SAMD12: variants seen among roughly 807,000 people sequenced by gnomAD.
SAMD12 encodes the protein sterile alpha motif domain-containing protein 12.
Under a neutral mutation model 15.0 loss-of-function variants are expected in SAMD12, and 9 were observed. That is an observed-to-expected ratio of 0.60 (90% confidence interval 0.36 to 1.05). SAMD12 has a LOEUF of 1.05. Among genes scored for constraint, SAMD12 ranks in the 50% least tolerant of loss-of-function variants. The pLI, the probability that SAMD12 is intolerant of heterozygous loss-of-function variation, is 0.01. For synonymous variants in SAMD12, 86 were observed against 90.1 expected, an observed-to-expected ratio of 0.96 and a Z score of 0.25; for missense variants, 230 against 234.2, an observed-to-expected ratio of 0.98 and a Z score of 0.12.
chr8:118,440,037 G>A lies in SAMD12; in HGVS notation c.193-76C>T, dbSNP rs1272217428. On this transcript the variant is annotated intron_variant, in intron 2 of 3. Transcript: ENST00000314727. ...ACACTATAGTTAAAAGTCTTAGAGT[G>A]TGTTAAAGGCTACAGACTGGATTCC... is the stretch of plus-strand genomic sequence containing the variant. The A allele has an allele frequency of 8.9e-6, 13 of 1,455,490 alleles. No homozygotes were observed. In the East Asian group the frequency reaches 2.5e-4, roughly 28 times the overall value. The allele number at this position is 1,455,490 out of a possible 1,614,324, so 90.2% of individuals were successfully genotyped here. A position where few individuals can be genotyped will look rare whatever the true frequency, so the allele number is the denominator to read the frequency against.
chr8:118,311,600 C>A (rs7827637), intron 4 of SAMD12, among the ~76,000 whole-genome samples: 9 of 152,142 alleles, frequency 5.9e-5, no homozygotes, highest in Non-Finnish European at 1.0e-4. Flanking sequence ...GAAAACAAGA[C>A]ATAAATTCTG....
intron 2 of SAMD12, among the ~76,000 whole-genome samples, chr8:118,554,767 C>G (rs1303798450): frequency 2.6e-5 from 4 of 151,942 alleles, no homozygotes; most frequent in Admixed American, 2.6e-4. Flanking sequence ...CTCGCCCAAT[C>G]AGTTGAAGGC....
At chr8:118,456,294 A>G (rs375269834) in intron 2 of SAMD12, among the ~76,000 whole-genome samples, 19 of 152,298 alleles carry the variant, frequency 1.2e-4, no homozygotes, top group African/African-American at 3.8e-4. Context: ...ATCTCAACTT[A>G]AACATCATTT....
chr8:118,526,077 T>C (rs1825529489), intron 2 of SAMD12, among the ~76,000 whole-genome samples: 1 of 152,208 alleles, frequency 6.6e-6, no homozygotes, highest in African/African-American at 2.4e-5. Context: ...TGGCAAAATT[T>C]GAGTGTGTGA....
chr8:118,428,302 G>A (rs1822294837), intron 3 of SAMD12, among the ~76,000 whole-genome samples: 1 of 152,104 alleles, frequency 6.6e-6, no homozygotes, highest in Non-Finnish European at 1.5e-5. Context: ...GTGATTGTGT[G>A]CATCTGTAAT....
At chr8:118,185,136 A>G (rs548443207), downstream of SAMD12, among the ~76,000 whole-genome samples, 4 of 152,292 alleles carry the variant, frequency 2.6e-5, no homozygotes, top group Non-Finnish European at 5.9e-5. Context: ...AAATATTTGT[A>G]AAATGAAAAC....
intron 4 of SAMD12, among the ~76,000 whole-genome samples, chr8:118,299,566 G>T (rs1814908134): frequency 6.6e-6 from 1 of 152,156 alleles, no homozygotes; most frequent in Non-Finnish European, 1.5e-5. Context: ...AGGGAAGCAA[G>T]GCAGAGCTGT....
At chr8:118,248,201 A>G (rs2129999604) in intron 4 of SAMD12, among the ~76,000 whole-genome samples, 1 of 152,286 alleles carries the variant, frequency 6.6e-6, no homozygotes, top group East Asian at 1.9e-4. Flanking sequence ...TGCTTACCCC[A>G]AATATAGCCT....
At chr8:118,547,725 T>A (rs1367038870) in intron 2 of SAMD12, among the ~76,000 whole-genome samples, 1 of 152,210 alleles carries the variant, frequency 6.6e-6, no homozygotes, top group African/African-American at 2.4e-5. Context: ...CATTTCTAAC[T>A]TTTTTCTATA....
intron 2 of SAMD12, among the ~76,000 whole-genome samples, chr8:118,464,380 C>T (rs1823523696): frequency 6.6e-6 from 1 of 152,110 alleles, no homozygotes; most frequent in Non-Finnish European, 1.5e-5. Context: ...CCAGAACCAC[C>T]AGAGAACACT....
At chr8:118,571,971 T>C (rs1303439114) in intron 2 of SAMD12, among the ~76,000 whole-genome samples, 3 of 152,062 alleles carry the variant, frequency 2.0e-5, no homozygotes, top group African/African-American at 7.2e-5. Context: ...GCTTGCACCA[T>C]GGGCCTGGAA....
chr8:118,134,677 C>A, the SAMD12 span, among the ~76,000 whole-genome samples: 1 of 152,258 alleles, frequency 6.6e-6, no homozygotes, highest in Admixed American at 6.5e-5. Flanking sequence ...CTTTGAGAAC[C>A]ACTAGCTTCG....
chr8:118,173,036 G>A, the SAMD12 span, among the ~76,000 whole-genome samples: 1 of 152,098 alleles, frequency 6.6e-6, no homozygotes, highest in Admixed American at 6.5e-5. Context: ...TTACCATAAT[G>A]TGCCAGTTCC....
At chr8:118,465,928 G>C (rs1198759226) in intron 2 of SAMD12, among the ~76,000 whole-genome samples, 1 of 152,088 alleles carries the variant, frequency 6.6e-6, no homozygotes, top group Non-Finnish European at 1.5e-5. Flanking sequence ...GTCATCCTAG[G>C]TATAGCCCTA....
chr8:118,445,007 G>A (rs1333310686), intron 2 of SAMD12, among the ~76,000 whole-genome samples: 1 of 152,182 alleles, frequency 6.6e-6, no homozygotes, highest in Non-Finnish European at 1.5e-5. Context: ...AAGCGGTTTA[G>A]TATATCATTA....
chr8:118,174,839 T>G, the SAMD12 span, among the ~76,000 whole-genome samples: 7 of 152,130 alleles, frequency 4.6e-5, no homozygotes, highest in Non-Finnish European at 8.8e-5. Flanking sequence ...TTCCCCTCTA[T>G]GTGTGCATGT....
At chr8:118,513,008 TA>T (rs1321406649) in intron 2 of SAMD12, among the ~76,000 whole-genome samples, 1 of 129,086 alleles carries the variant, frequency 7.7e-6, no homozygotes, top group Non-Finnish European at 1.6e-5. Context: ...TGAATACTTA[TA>T]TTTTTTTTTT....
intron 2 of SAMD12, among the ~76,000 whole-genome samples, chr8:118,476,772 C>T (rs563819905): frequency 1.3e-5 from 2 of 152,148 alleles, no homozygotes; most frequent in African/African-American, 2.4e-5. Flanking sequence ...TTCATGCCCT[C>T]GTTTGCATTC....
At chr8:118,349,891 G>C (rs531932296) in intron 4 of SAMD12, among the ~76,000 whole-genome samples, 19 of 152,316 alleles carry the variant, frequency 1.2e-4, no homozygotes, top group Non-Finnish European at 2.2e-4. Context: ...ACCTTGGGAA[G>C]CTAAGCTGGG....
Sources: allele counts gnomAD v4.1 joint callset (sites outside exome capture counted in the v4.1 genomes callset), GRCh38; gene constraint gnomAD v4.1.1; transcripts MANE v1.5; gene names NCBI Gene and HGNC (gene_info 2026-07-23, HGNC 2026-07-21).